HPD: variants seen among roughly 807,000 people sequenced by gnomAD.
HPD encodes 4-hydroxyphenylpyruvate dioxygenase.
A neutral mutation model predicts 56.9 loss-of-function variants in HPD; 35 were observed. The observed-to-expected ratio is 0.62, with a 90% CI of 0.47 to 0.82. The LOEUF (loss-of-function observed/expected upper bound fraction) is 0.82, where lower values mean the gene tolerates loss of function less well. Ranked by LOEUF, HPD falls within the 40% of genes least tolerant of loss-of-function variation. The pLI is 0.00. For missense variants in HPD, 442 were observed against 506.8 expected, an observed-to-expected ratio of 0.87 and a Z score of 1.23; for synonymous variants, 186 against 200.2, an observed-to-expected ratio of 0.93 and a Z score of 0.60.
upstream of HPD, among the ~76,000 whole-genome samples, chr12:121,862,344 C>T (rs1481955461): frequency 6.6e-6 from 1 of 150,990 alleles, no homozygotes; most frequent in Non-Finnish European, 1.5e-5. Context: ...GCTGCCCAGG[C>T]TGGAGTGCAA....
chr12:121,857,762 T>G lies in HPD; in HGVS notation c.88A>C (p.Lys30Gln). Residue 30 changes from lysine (K) to glutamine (Q), a missense_variant, in exon 3 of 14, where the codon AAG (lysine) becomes CAG (glutamine). Coordinates refer to ENST00000289004, the MANE Select transcript of HPD (RefSeq NM_002150.3). The part of the protein sequence containing the change: ...HSVTFWVGNA[K>Q]QATSFYCSKM... Reference sequence around the variant, plus strand: ...CACCTTGCCCCGGCTTCTACCTGCTTGGCGTTGCCAACCCAGAAGGTCACA... The same window carrying G: ...CACCTTGCCCCGGCTTCTACCTGCTGGGCGTTGCCAACCCAGAAGGTCACA... 3 of 1,613,880 alleles carry G rather than the reference T, an allele frequency of 1.9e-6. No individual in the cohort carries two copies. The highest frequency in any genetic ancestry group is 2.5e-6 in the Non-Finnish European group (3 of 1,179,792).
At chr12:121,852,947 C>T (rs761007096) in intron 7 of HPD, among the ~76,000 whole-genome samples, 3 of 152,056 alleles carry the variant, frequency 2.0e-5, no homozygotes, top group Non-Finnish European at 2.9e-5. Context: ...TGGATCCTTA[C>T]GATGACCCTA....
At chr12:121,877,660 G>A in the HPD span, among the ~76,000 whole-genome samples, 2 of 152,290 alleles carry the variant, frequency 1.3e-5, no homozygotes, top group South Asian at 4.1e-4. Flanking sequence ...TTGAACTTGG[G>A]AGGTGGAGGT....
In HPD at chr12:121,847,145, G is replaced by T. The variant is rs759216846; in HGVS notation, c.666C>A (p.Ser222Arg). 2 of 1,614,026 alleles carry T rather than the reference G, an allele frequency of 1.2e-6. No homozygotes were observed. Among genetic ancestry groups the T allele is most frequent in the Non-Finnish European group, 1.7e-6 (2 of 1,180,006 alleles). ...TGGCCACCACAATGGATCGCAGAGA[G>T]CTATATTCCGTGTGCACCTGCGTGT... ...VDDTQVHTEY[S>R]SLRSIVVANY... Residue 222 changes from serine to arginine, a missense_variant, in exon 10 of 14, where the codon AGC (serine) becomes AGA (arginine). Ser to Arg is a moderately radical substitution (Grantham distance 110, BLOSUM62 -1). Coordinates refer to ENST00000289004, the MANE Select transcript of HPD (RefSeq NM_002150.3).
At chr12:121,858,169 T>A (rs1236752188) in intron 2 of HPD, among the ~76,000 whole-genome samples, 1 of 152,090 alleles carries the variant, frequency 6.6e-6, no homozygotes, top group Non-Finnish European at 1.5e-5. Context: ...TTTGTTTTGG[T>A]TTTTGTTTCT....
intron 11 of HPD, among the ~76,000 whole-genome samples, chr12:121,844,712 C>A (rs1431329088): frequency 6.6e-6 from 1 of 151,476 alleles, no homozygotes; most frequent in Non-Finnish European, 1.5e-5. Context: ...GAAACCCCTA[C>A]TAAAAATACA....
chr12:121,848,011 T>C (rs966071508), intron 9 of HPD, among the ~76,000 whole-genome samples: 2 of 152,152 alleles, frequency 1.3e-5, no homozygotes, highest in Non-Finnish European at 2.9e-5. Context: ...GGAAGTGTCT[T>C]GGAACGAAAT....
At chr12:121,884,171 CTTT>C in the HPD span, among the ~76,000 whole-genome samples, 219 of 124,140 alleles carry the variant, frequency 1.8e-3, 1 homozygote, top group Non-Finnish European at 2.5e-3. Context: ...CTTTTCCTCT[CTTT>C]TTTTTTTTTT....
chr12:121,848,039 G>T (rs576229615), intron 9 of HPD, among the ~76,000 whole-genome samples: 9 of 152,130 alleles, frequency 5.9e-5, no homozygotes, highest in African/African-American at 1.2e-4. Context: ...GGACGGCAAG[G>T]CTCCCACAGA....
intron 12 of HPD, among the ~76,000 whole-genome samples, chr12:121,840,357 GT>G (rs905259746): frequency 1.4e-4 from 21 of 152,252 alleles, no homozygotes; most frequent in African/African-American, 4.8e-4. Context: ...CTGGAGTGCG[GT>G]GGCGCAATCT....
chr12:121,865,431 G>A (rs1392461125), upstream of HPD, among the ~76,000 whole-genome samples: 3 of 150,650 alleles, frequency 2.0e-5, no homozygotes, highest in Non-Finnish European at 3.0e-5. Flanking sequence ...CACCACACCC[G>A]GCTATTTTTT....
chr12:121,882,425 G>A, the HPD span, among the ~76,000 whole-genome samples: 4 of 152,150 alleles, frequency 2.6e-5, no homozygotes, highest in South Asian at 8.3e-4. Flanking sequence ...AGTTCTCCTA[G>A]ATCTTGGCAG....
At chr12:121,884,065 T>C in the HPD span, among the ~76,000 whole-genome samples, 1 of 152,194 alleles carries the variant, frequency 6.6e-6, no homozygotes, top group Non-Finnish European at 1.5e-5. Context: ...AGTTCATATT[T>C]AGATTTCATC....
At position 121,853,912 on chromosome 12, in the gene HPD, G is replaced by A. The variant is rs1263244361; in HGVS notation, c.414+791C>T. On this transcript the variant is annotated intron_variant, in intron 7 of 13. Coordinates refer to ENST00000289004, the MANE Select transcript of HPD (RefSeq NM_002150.3). ...AGATCACGCGACTGCACTCCAGCCT[G>A]GGCGACAGAGAGACTCCGTCTGAAA... Among the ~76,000 whole-genome samples, 3 of 151,382 alleles carry A rather than the reference G, an allele frequency of 2.0e-5. No homozygotes were observed. In the East Asian group the frequency reaches 5.8e-4, roughly 29 times the overall value.
At chr12:121,886,431 T>G in the HPD span, among the ~76,000 whole-genome samples, 1 of 150,212 alleles carries the variant, frequency 6.7e-6, no homozygotes, top group East Asian at 1.9e-4. Flanking sequence ...TTTTTTTTTT[T>G]TGAGACGGAG....
upstream of HPD, among the ~76,000 whole-genome samples, chr12:121,860,500 C>T (rs561613282): frequency 6.6e-6 from 1 of 152,308 alleles, no homozygotes; most frequent in South Asian, 2.1e-4. Context: ...CCCCTAGATG[C>T]CATTCACATG....
chr12:121,846,648 C>T (rs1366422110), intron 11 of HPD, among the ~76,000 whole-genome samples: 1 of 152,198 alleles, frequency 6.6e-6, no homozygotes, highest in Admixed American at 6.6e-5. Flanking sequence ...CGCCTGCTAC[C>T]TCCAAAGCCC....
rs376326536 is a variant in HPD at position 121,839,900 on chromosome 12, G to C, written c.1071+32C>G. 1.2e-5 allele frequency: 19 copies of C among 1,605,120 alleles called. No individual in the cohort carries two copies. The African/African-American group carries it at 2.4e-4, about 20-fold the overall frequency. ...AGAAAACCGAGTGTGCTAGCTGCCTGTCCCCTCGGGCCTGCCGGGGACAAG... is the reference window on the plus strand; with the variant it reads ...AGAAAACCGAGTGTGCTAGCTGCCTCTCCCCTCGGGCCTGCCGGGGACAAG... On this transcript the variant is annotated intron_variant, in intron 13 of 13. Coordinates refer to ENST00000289004, the MANE Select transcript of HPD (RefSeq NM_002150.3).
chr12:121,858,637 AC>A, intron 2 of HPD, 49 bp downstream of exon 2: 1 of 1,578,580 alleles, frequency 6.3e-7, no homozygotes, highest in Non-Finnish European at 8.7e-7. Flanking sequence ...CTGCACTCCG[AC>A]CCCCTTCTAG....
Sources: gnomAD v4.1 joint callset for allele counts (sites outside exome capture counted in the v4.1 genomes callset) on GRCh38, gnomAD v4.1.1 for gene constraint, MANE v1.5 for transcripts, NCBI Gene and HGNC (gene_info 2026-07-23, HGNC 2026-07-21) for gene names.